LGR5: variants seen among roughly 807,000 people sequenced by gnomAD.
LGR5 encodes the protein leucine-rich repeat-containing G protein-coupled receptor 5.
In LGR5, 54 loss-of-function variants were observed where a neutral mutation model predicts 76.7. That is an observed-to-expected ratio of 0.70 (90% CI 0.57 to 0.88). The LOEUF is 0.88. Among genes scored for constraint, LGR5 ranks in the 40% least tolerant of loss-of-function variants. The probability of loss-of-function intolerance (pLI) is 0.00; values close to 1 mark genes in which losing one functional copy is unlikely to be tolerated. For synonymous variants in LGR5, 406 were observed against 421.9 expected (o/e 0.96, Z 0.46); for missense variants, 1,078 against 1,073.3 (o/e 1.00, Z -0.06).
At chr12:71,568,742 G>C (rs368024189) in intron 11 of LGR5, among the ~76,000 whole-genome samples, 2 of 152,238 alleles carry the variant, frequency 1.3e-5, no homozygotes, top group African/African-American at 2.4e-5. Context: ...CTAGTACAAG[G>C]TGCTTTATGT....
chr12:71,541,259 T>C (rs1876864968), intron 4 of LGR5, among the ~76,000 whole-genome samples: 1 of 152,094 alleles, frequency 6.6e-6, no homozygotes, highest in Admixed American at 6.6e-5. Context: ...CAGAATCATA[T>C]AAGGAGGGAA....
intron 4 of LGR5, among the ~76,000 whole-genome samples, chr12:71,540,807 C>G (rs1876837852): frequency 6.6e-6 from 1 of 151,910 alleles, no homozygotes; most frequent in Non-Finnish European, 1.5e-5. Flanking sequence ...GAAGTGTAAG[C>G]AGACCAAAAG....
chr12:71,569,237 A>G (rs1426958283), intron 11 of LGR5, among the ~76,000 whole-genome samples: 4 of 152,378 alleles, frequency 2.6e-5, no homozygotes, highest in African/African-American at 9.6e-5. Context: ...GTCATTCAGG[A>G]CATAGGCATG....
chr12:71,536,462 G>T (rs1430067578), intron 4 of LGR5, among the ~76,000 whole-genome samples: 1 of 152,102 alleles, frequency 6.6e-6, no homozygotes, highest in Non-Finnish European at 1.5e-5. Context: ...CCCCTTTGTG[G>T]TATGAGATAG....
intron 6 of LGR5, among the ~76,000 whole-genome samples, chr12:71,558,007 G>C (rs1877861989): frequency 6.6e-6 from 1 of 152,100 alleles, no homozygotes; most frequent in South Asian, 2.1e-4. Flanking sequence ...ATTTCCTGAG[G>C]GACCCTGTGT....
intron 1 of LGR5, among the ~76,000 whole-genome samples, chr12:71,469,255 G>C (rs1442117623): frequency 1.3e-5 from 2 of 152,156 alleles, no homozygotes; most frequent in South Asian, 4.1e-4. Context: ...AAATCTGAAT[G>C]CAATTTTAAA....
chr12:71,584,150 C>A lies in LGR5; in HGVS notation c.2140C>A (p.Pro714Thr). ...GTATGGCGCCTCCCCTCTCTGCCTG[C>A]CTTTGCCTTTTGGGGAGCCCAGCAC... is the stretch of plus-strand genomic sequence containing the variant. The part of the protein sequence containing the change: ...SKYGASPLCL[P>T]LPFGEPSTMG... The change falls in exon 18 of 18, where the codon CCT becomes ACT. Residue 714 changes from proline (P) to threonine (T), a missense_variant. Physicochemically the swap from Pro to Thr is conservative, Grantham distance 38. Coordinates refer to ENST00000266674, the MANE Select transcript of LGR5 (RefSeq NM_003667.4). 1 of 1,614,190 alleles carries A rather than the reference C, an allele frequency of 6.2e-7. No individual in the cohort carries two copies. Among genetic ancestry groups the A allele is most frequent in the South Asian group, 1.1e-5 (1 of 91,084 alleles).
intron 3 of LGR5, among the ~76,000 whole-genome samples, chr12:71,524,787 T>C (rs1482140408): frequency 6.6e-6 from 1 of 152,182 alleles, no homozygotes; most frequent in African/African-American, 2.4e-5. Flanking sequence ...GGGGTGCGTG[T>C]CTTCAAAAGC....
At chr12:71,583,072 G>A (rs902235659) in intron 17 of LGR5, among the ~76,000 whole-genome samples, 1 of 151,738 alleles carries the variant, frequency 6.6e-6, no homozygotes, top group Admixed American at 6.6e-5. Context: ...GGAAAGTGAA[G>A]TTGAATTCTT....
chr12:71,483,666 T>C (rs536853552), intron 1 of LGR5, among the ~76,000 whole-genome samples: 1 of 152,182 alleles, frequency 6.6e-6, no homozygotes, highest in African/African-American at 2.4e-5. Flanking sequence ...TACTGCCGTG[T>C]CACCTTGGGA....
chr12:71,528,060 TG>T (rs1876107450), intron 3 of LGR5, among the ~76,000 whole-genome samples: 1 of 151,708 alleles, frequency 6.6e-6, no homozygotes, highest in Admixed American at 6.6e-5. Flanking sequence ...AAAAATTAAA[TG>T]GAATAAACAG....
chr12:71,520,127 G>A (rs913447481), intron 2 of LGR5, among the ~76,000 whole-genome samples: 1 of 151,782 alleles, frequency 6.6e-6, no homozygotes, highest in South Asian at 2.1e-4. Flanking sequence ...CTGTTCACAA[G>A]AGCCAAAAGA....
Position 71,524,484 on chromosome 12 carries a change from A to G in LGR5, c.356+7A>G. ...TTTACAGTCTTAAAGTTCTGTAAGTAAACTGAGTGTTGTTGGATATATTTC... is the reference window on the plus strand; with the variant it reads ...TTTACAGTCTTAAAGTTCTGTAAGTGAACTGAGTGTTGTTGGATATATTTC... On this transcript the variant is annotated splice_region_variant and intron_variant, in intron 3 of 17. Transcript: ENST00000266674. 3 of 1,590,420 alleles carry G rather than the reference A, an allele frequency of 1.9e-6. No individual in the cohort carries two copies. Among genetic ancestry groups the G allele is most frequent in the Non-Finnish European group, 2.6e-6 (3 of 1,159,006 alleles).
chr12:71,472,831 G>C (rs897098793), intron 1 of LGR5, among the ~76,000 whole-genome samples: 1 of 152,196 alleles, frequency 6.6e-6, no homozygotes, highest in African/African-American at 2.4e-5. Flanking sequence ...ACTCTAGTCA[G>C]TAGCAAAATA....
intron 1 of LGR5, among the ~76,000 whole-genome samples, chr12:71,470,195 C>T (rs1213119796): frequency 1.3e-5 from 2 of 152,160 alleles, no homozygotes; most frequent in Non-Finnish European, 2.9e-5. Flanking sequence ...TTTTCAATTT[C>T]CCTTCAGCCC....
intron 2 of LGR5, among the ~76,000 whole-genome samples, chr12:71,507,190 T>C (rs888283141): frequency 6.6e-6 from 1 of 152,106 alleles, no homozygotes; most frequent in Non-Finnish European, 1.5e-5. Context: ...TTACCCAACA[T>C]AATGGAGTTG....
rs143081365 is a variant in LGR5, at chr12:71,504,663, A to T, written c.262A>T (p.Ser88Cys). 51 of 1,613,946 alleles carry T rather than the reference A, an allele frequency of 3.2e-5. No individual in the cohort carries two copies. The highest frequency in any genetic ancestry group is 4.2e-5 in the Non-Finnish European group (50 of 1,179,862). The stretch of plus-strand genomic sequence containing the variant: ...TCAGCTGCTCCCGAATCCCCTGCCC[A>T]GTCTCCGCTTCCTGGAGGAGTTGTA... ...ISQLLPNPLP[S>C]LRFLEELRLA... The change falls in exon 2 of 18, where the codon AGT (serine) becomes TGT (cysteine). Residue 88 changes from serine to cysteine, a missense_variant. Transcript: ENST00000266674.
intron 4 of LGR5, among the ~76,000 whole-genome samples, chr12:71,548,301 C>CTGTGTGTGTGTG (rs10629001): frequency 0.15 from 15,360 of 103,994 alleles, 1,382 homozygotes; most frequent in East Asian, 0.58. Flanking sequence ...CCTTGTTGCA[C>CTGTGTGTGTGTG]TGTGTGTGTG....
At position 71,559,541 on chromosome 12, in the gene LGR5, G is replaced by A. The variant is rs752211506; in HGVS notation, c.717-45G>A. ...CTTTCCTTGTAAATAGAGTATATAT[G>A]AAGTTTTAAATAAAAAACTGAAAAT... On this transcript the variant is annotated intron_variant, in intron 6 of 17. Coordinates refer to ENST00000266674, the MANE Select transcript of LGR5 (RefSeq NM_003667.4). The A allele has an allele frequency of 3.8e-6, 4 of 1,047,388 alleles. No individual in the cohort carries two copies. In the South Asian group the frequency reaches 3.9e-5, roughly 10 times the overall value. The allele number at this position is 1,047,388 out of a possible 1,614,324, so 64.9% of individuals were successfully genotyped here.
Sources: gnomAD v4.1 joint callset for allele counts (sites outside exome capture counted in the v4.1 genomes callset) on GRCh38, gnomAD v4.1.1 for gene constraint, MANE v1.5 for transcripts, NCBI Gene and HGNC (gene_info 2026-07-23, HGNC 2026-07-21) for gene names.